DLEC1: variants seen among roughly 807,000 people sequenced by gnomAD.
DLEC1 encodes deleted in lung and esophageal cancer protein 1.
A neutral mutation model predicts 198.1 loss-of-function variants in DLEC1; 146 were observed. That is an observed-to-expected ratio of 0.74 (90% confidence interval 0.64 to 0.85). The LOEUF is 0.85. Ranked by LOEUF, DLEC1 falls within the 40% of genes least tolerant of loss-of-function variation. DLEC1 has a pLI of 0.00. For missense variants in DLEC1, 2,233 were observed against 2,220.0 expected, an observed-to-expected ratio of 1.01 and a Z score of -0.12; for synonymous variants, 897 against 866.8, an observed-to-expected ratio of 1.03 and a Z score of -0.61.
chr3:38,090,579 A>G (rs1247350269), intron 10 of DLEC1, among the ~76,000 whole-genome samples: 1 of 152,200 alleles, frequency 6.6e-6, no homozygotes, highest in African/African-American at 2.4e-5. Context: ...TTATGTATAA[A>G]TTATACATAC....
In DLEC1 at chr3:38,116,806, G is replaced by A; in HGVS notation, c.4096G>A (p.Ala1366Thr). 6.2e-7 allele frequency: 1 copy of A among 1,613,754 alleles called. No individual in the cohort carries two copies. The highest frequency in any genetic ancestry group is 8.5e-7 in the Non-Finnish European group (1 of 1,179,852). Reference sequence around the variant, plus strand: ...CAGCTCCAGTGCCAGCAATAGGGTGGCACAGAAGCTCATCTCAGTCATCCT... The same window carrying A: ...CAGCTCCAGTGCCAGCAATAGGGTGACACAGAAGCTCATCTCAGTCATCCT... The part of the protein sequence containing the change: ...EGSSSASNRV[A>T]QKLISVILQA... Residue 1366 changes from alanine to threonine, a missense_variant, in exon 29 of 37, where the codon GCA becomes ACA. Transcript: ENST00000308059.
In DLEC1 at chr3:38,122,591, T is replaced by C. The variant is rs1304370656; in HGVS notation, c.*179T>C. ...CAGCCTAGGCCCTCATGATATGTCC[T>C]CAGAGCTAACATAAAGGACAGGCCA... On this transcript the variant is annotated 3_prime_UTR_variant, in exon 37 of 37. Transcript: ENST00000308059. 4 of 1,587,118 alleles carry C rather than the reference T, an allele frequency of 2.5e-6. No homozygotes were observed. The highest frequency in any genetic ancestry group is 3.4e-6 in the Non-Finnish European group (4 of 1,169,886).
At chr3:38,111,552 A>C in intron 23 of DLEC1, 125 bp from the exon 24 acceptor site, 1 of 898,890 alleles carries the variant, frequency 1.1e-6, no homozygotes. Context: ...TCCCCTGGGA[A>C]GAGCAGGCAG....
At chr3:38,092,739 G>C (rs377649000) in intron 10 of DLEC1, 51 bp from the exon 11 acceptor site, 17 of 1,532,372 alleles carry the variant, frequency 1.1e-5, no homozygotes, top group Non-Finnish European at 1.2e-5. Flanking sequence ...GAGGCGGGGA[G>C]GGTGGAAGCC....
chr3:38,109,722 G>A, intron 22 of DLEC1, 160 bp downstream of exon 22: 1 of 1,240,014 alleles, frequency 8.1e-7, no homozygotes, highest in Non-Finnish European at 1.1e-6. Flanking sequence ...ACTCCTGTGG[G>A]GACAGCTCCC....
intron 16 of DLEC1, 71 bp from the exon 17 acceptor site, chr3:38,097,436 T>C: frequency 6.3e-7 from 1 of 1,598,838 alleles, no homozygotes; most frequent in Non-Finnish European, 8.5e-7. Flanking sequence ...AAGCCAGATG[T>C]CTGGGCCCAA....
At chr3:38,078,145 T>C (rs1559422354) in intron 6 of DLEC1, among the ~76,000 whole-genome samples, 1 of 152,052 alleles carries the variant, frequency 6.6e-6, no homozygotes, top group Non-Finnish European at 1.5e-5. Context: ...TCAGGAATAA[T>C]GTGAGAGGCC....
At chr3:38,097,444 C>T in intron 16 of DLEC1, 63 bp from the exon 17 acceptor site, 1 of 1,602,190 alleles carries the variant, frequency 6.2e-7, no homozygotes. Context: ...TGTCTGGGCC[C>T]AATCATAGGA....
chr3:38,041,193 A>G (rs1341299130), intron 1 of DLEC1, among the ~76,000 whole-genome samples: 1 of 151,952 alleles, frequency 6.6e-6, no homozygotes, highest in Non-Finnish European at 1.5e-5. Context: ...TAGTAGAGAC[A>G]GGGTTTCACT....
intron 6 of DLEC1, among the ~76,000 whole-genome samples, chr3:38,068,223 C>CT (rs113080358): frequency 0.35 from 52,837 of 151,266 alleles, 9,633 homozygotes; most frequent in East Asian, 0.55. Flanking sequence ...GACTTCATTT[C>CT]TTTTTTTTTA....
At chr3:38,098,238 C>T (rs989076785) in intron 18 of DLEC1, among the ~76,000 whole-genome samples, 13 of 152,186 alleles carry the variant, frequency 8.5e-5, no homozygotes, top group African/African-American at 2.9e-4. Context: ...GCTGCTGCTG[C>T]TCCAGCCGCA....
chr3:38,049,670 T>G (rs1241964757), intron 2 of DLEC1, among the ~76,000 whole-genome samples: 1 of 152,200 alleles, frequency 6.6e-6, no homozygotes, highest in Non-Finnish European at 1.5e-5. Flanking sequence ...TGCCCAGGCC[T>G]GACAGCTCCT....
At chr3:38,121,002 GCACCAGGGCGAGCACCATGGACCAGGT>G (rs1700424555) in intron 34 of DLEC1, among the ~76,000 whole-genome samples, 1 of 151,818 alleles carries the variant, frequency 6.6e-6, no homozygotes, top group Non-Finnish European at 1.5e-5. Flanking sequence ...CAGGCTTCAA[GCACCAGGGCGAGCACCATGGACCAGGT>G]CACCAGGCCG....
intron 2 of DLEC1, among the ~76,000 whole-genome samples, chr3:38,056,727 TA>T (rs560481667): frequency 7.1e-4 from 107 of 151,244 alleles, no homozygotes; most frequent in African/African-American, 2.9e-4. Context: ...GCTTTCATCT[TA>T]AAAAAAAAGT....
chr3:38,096,062 T>G, intron 14 of DLEC1, 116 bp downstream of exon 14: 1 of 1,278,592 alleles, frequency 7.8e-7, no homozygotes, highest in Non-Finnish European at 1.1e-6. Context: ...CCCCGCAGGC[T>G]TTGGGGAGTG....
intron 18 of DLEC1, 123 bp downstream of exon 18, chr3:38,098,025 T>C (rs1484152648): frequency 3.8e-6 from 5 of 1,305,462 alleles, no homozygotes; most frequent in Non-Finnish European, 5.3e-6. Flanking sequence ...AAAGCCTGCC[T>C]GGTGACTTCG....
intron 19 of DLEC1, among the ~76,000 whole-genome samples, chr3:38,106,190 T>C (rs1462908038): frequency 6.6e-6 from 1 of 152,236 alleles, no homozygotes; most frequent in African/African-American, 2.4e-5. Flanking sequence ...GATAGAAAAG[T>C]AAGCAAAAAT....
At chr3:38,082,029 A>C (rs1575164724) in intron 6 of DLEC1, among the ~76,000 whole-genome samples, 3 of 122,788 alleles carry the variant, frequency 2.4e-5, no homozygotes, top group African/African-American at 9.7e-5. Context: ...GGGGCTCCTC[A>C]CTTCTCAGAC....
chr3:38,096,617 G>A lies in DLEC1; in HGVS notation c.2220G>A (p.Val740=). 3 of 1,612,638 alleles carry A rather than the reference G, an allele frequency of 1.9e-6. No homozygotes were observed. The highest frequency in any genetic ancestry group is 2.5e-6 in the Non-Finnish European group (3 of 1,180,002). The change falls in exon 15 of 37, where the codon GTG becomes GTA. Residue 740 remains valine, a synonymous_variant. Coordinates refer to ENST00000308059, the MANE Select transcript of DLEC1 (RefSeq NM_007335.4). ...LGHSSYSVDD[V]IVLEIEVKGS... ...ACTCCTCCTACTCTGTGGATGATGTGATTGTCCTGGAAATCGAGGTGAAAG... is the reference window on the plus strand; with the variant it reads ...ACTCCTCCTACTCTGTGGATGATGTAATTGTCCTGGAAATCGAGGTGAAAG...
Sources: allele counts gnomAD v4.1 joint callset (sites outside exome capture counted in the v4.1 genomes callset), GRCh38; gene constraint gnomAD v4.1.1; transcripts MANE v1.5; gene names NCBI Gene and HGNC (gene_info 2026-07-23, HGNC 2026-07-21).